The following MMP26 variants were observed in gnomAD, a reference collection of about 807,000 sequenced individuals.
MMP26 encodes the protein matrix metalloproteinase-26.
Under a neutral mutation model 31.0 loss-of-function variants are expected in MMP26, and 33 were observed. The ratio of observed to expected loss-of-function variants is 1.06; its 90% confidence interval spans 0.81 to 1.42. MMP26 has a LOEUF of 1.42. Among genes scored for constraint, MMP26 ranks in the 40% most tolerant of loss-of-function variants. The probability of loss-of-function intolerance (pLI) is 0.00; values close to 1 mark genes in which losing one functional copy is unlikely to be tolerated. For synonymous variants in MMP26, 122 were observed against 114.9 expected, an observed-to-expected ratio of 1.06 and a Z score of -0.40; for missense variants, 347 against 316.1, an observed-to-expected ratio of 1.10 and a Z score of -0.74.
chr11:4,760,022 C>A (rs7127963), intron 1 of MMP26, among the ~76,000 whole-genome samples: 8,926 of 152,146 alleles, frequency 0.059, 831 homozygotes, highest in African/African-American at 0.2. Context: ...AGCACAAAGG[C>A]CTTATTCTTA....
At position 4,853,657 on chromosome 11, in the gene MMP26, T is replaced by A. The variant is rs145530322; in HGVS notation, c.-145+86316T>A. On this transcript the variant is annotated intron_variant, in intron 2 of 7. Coordinates refer to ENST00000380390, the MANE Select transcript of MMP26 (RefSeq NM_021801.5). ...AAAGTCAATTACTAATTAAAACTCT[T>A]CCTACTAAAAAATGCCAAGGTCCAG... Among the ~76,000 whole-genome samples the A allele has an allele frequency of 7.2e-3, 1,094 of 152,248 alleles. 11 individuals carry two copies. The highest frequency in any genetic ancestry group is 0.026 in the African/African-American group (1,067 of 41,552).
intron 2 of MMP26, among the ~76,000 whole-genome samples, chr11:4,912,319 C>A (rs139837297): frequency 8.6e-5 from 13 of 151,972 alleles, no homozygotes. Context: ...TATACCTGAC[C>A]CCAAGTTTAG....
At chr11:4,984,795 C>T (rs949824612) in intron 2 of MMP26, among the ~76,000 whole-genome samples, 1 of 152,050 alleles carries the variant, frequency 6.6e-6, no homozygotes, top group Non-Finnish European at 1.5e-5. Context: ...AACATTTCTG[C>T]AACAGAATTT....
intron 2 of MMP26, among the ~76,000 whole-genome samples, chr11:4,979,632 G>C (rs1006960035): frequency 2.0e-5 from 3 of 152,012 alleles, no homozygotes; most frequent in Admixed American, 2.0e-4. Context: ...CATACCCCAG[G>C]GTGGCTGATG....
At chr11:4,913,899 A>T (rs912915920) in intron 2 of MMP26, 1 of 152,188 alleles carries the variant, frequency 6.6e-6, no homozygotes, top group African/African-American at 2.4e-5. Flanking sequence ...AACTCAGGGA[A>T]AACTTTTCTG....
chr11:4,847,534 T>G (rs1849889739), intron 2 of MMP26: 1 of 152,250 alleles, frequency 6.6e-6, no homozygotes. Flanking sequence ...GTGCATACCA[T>G]GTATAGTGAT....
rs767284871 is a variant in MMP26 at position 4,923,512 on chromosome 11, G to A, written c.-144-64556G>A. 8 of 1,614,152 alleles carry A rather than the reference G, an allele frequency of 5.0e-6. No individual in the cohort carries two copies. The South Asian group carries it at 5.5e-5, about 11-fold the overall frequency. The stretch of plus-strand genomic sequence containing the variant: ...CCAGCAGATACACATAGGACATGAA[G>A]AGGTGTACAACGCGGGGCAGATGTT... On this transcript the variant is annotated intron_variant, in intron 2 of 7. Transcript: ENST00000380390.
intron 2 of MMP26, chr11:4,915,686 G>T: frequency 1.3e-6 from 2 of 1,567,212 alleles, no homozygotes; most frequent in Admixed American, 3.5e-5. Context: ...CAAGGGGGAA[G>T]GTGGGTGCCC....
intron 2 of MMP26, among the ~76,000 whole-genome samples, chr11:4,815,269 C>T (rs1849405556): frequency 6.6e-6 from 1 of 152,124 alleles, no homozygotes. Flanking sequence ...AAAGGGATGG[C>T]TTCCAGTTCT....
intron 2 of MMP26, among the ~76,000 whole-genome samples, chr11:4,817,265 C>G (rs556077178): frequency 6.6e-6 from 1 of 152,068 alleles, no homozygotes; most frequent in Non-Finnish European, 1.5e-5. Flanking sequence ...GTTCCTTGCA[C>G]TCTGCATAGC....
chr11:4,775,670 A>C (rs1035162687), intron 2 of MMP26, among the ~76,000 whole-genome samples: 1 of 151,886 alleles, frequency 6.6e-6, no homozygotes, highest in Non-Finnish European at 1.5e-5. Flanking sequence ...TGAGGGCCTC[A>C]TGTTGCTTCC....
Position 4,768,265 on chromosome 11 carries a change from G to C in MMP26, c.-145+924G>C, listed in dbSNP as rs34861528. ...CCCATTCCCTGTGATAAATTAGCAA[G>C]TGTGCCTCACCCCTAAAGCTTTTCT... On this transcript the variant is annotated intron_variant, in intron 2 of 7. Coordinates refer to ENST00000380390, the MANE Select transcript of MMP26 (RefSeq NM_021801.5). 7.4e-3 allele frequency among the ~76,000 whole-genome samples: 1,121 copies of C among 152,182 alleles called. 12 individuals carry two copies. Among genetic ancestry groups the C allele is most frequent in the African/African-American group, 0.025 (1,054 of 41,540 alleles).
Position 4,848,278 on chromosome 11 carries a change from G to C in MMP26, c.-145+80937G>C, listed in dbSNP as rs112869374. On this transcript the variant is annotated intron_variant, in intron 2 of 7. Transcript: ENST00000380390. ...ACCTTCCTGGGCTGCAACCTGTTGAGTATTCTCTTTCTAATCTCCTTCATC... is the reference window on the plus strand; with the variant it reads ...ACCTTCCTGGGCTGCAACCTGTTGACTATTCTCTTTCTAATCTCCTTCATC... The C allele has an allele frequency of 1.9e-4, 308 of 1,613,524 alleles. 3 individuals carry two copies. In the African/African-American group the frequency reaches 3.1e-3, roughly 16 times the overall value.
chr11:4,726,843 C>T (rs986908394), intron 1 of MMP26, among the ~76,000 whole-genome samples: 1 of 151,968 alleles, frequency 6.6e-6, no homozygotes, highest in African/African-American at 2.4e-5. Flanking sequence ...CTGATCTCTA[C>T]AAAAAAGTTA....
intron 2 of MMP26, among the ~76,000 whole-genome samples, chr11:4,853,834 A>G (rs1850010769): frequency 6.6e-6 from 1 of 152,190 alleles, no homozygotes; most frequent in Admixed American, 6.5e-5. Flanking sequence ...ATCATAACAA[A>G]AAACATAGCA....
chr11:4,851,679 AG>A (rs199763524), intron 2 of MMP26, among the ~76,000 whole-genome samples: 10 of 151,988 alleles, frequency 6.6e-5, no homozygotes. Context: ...TAGCACAACA[AG>A]GGGGAGGAAT....
chr11:4,950,534 G>T (rs1408765253), intron 2 of MMP26, among the ~76,000 whole-genome samples: 1 of 119,572 alleles, frequency 8.4e-6, no homozygotes, highest in African/African-American at 2.8e-5. Flanking sequence ...GATGGGGGGA[G>T]TCTGGAGATG....
At chr11:4,740,029 A>G (rs1178642859) in intron 1 of MMP26, among the ~76,000 whole-genome samples, 2 of 152,218 alleles carry the variant, frequency 1.3e-5, no homozygotes, top group Non-Finnish European at 1.5e-5. Flanking sequence ...GATTATAGTG[A>G]GTATGGAATA....
At chr11:4,789,730 C>T (rs1003100711) in intron 2 of MMP26, among the ~76,000 whole-genome samples, 18 of 150,928 alleles carry the variant, frequency 1.2e-4, no homozygotes, top group South Asian at 2.1e-4. Context: ...TTAGTAGAGA[C>T]GGGGTTTCAC....
Sources: gnomAD v4.1 joint callset for allele counts (sites outside exome capture counted in the v4.1 genomes callset) on GRCh38, gnomAD v4.1.1 for gene constraint, MANE v1.5 for transcripts, NCBI Gene and HGNC (gene_info 2026-07-23, HGNC 2026-07-21) for gene names.